MDGA2: variants seen among roughly 807,000 people sequenced by gnomAD.
The protein encoded by MDGA2 is MAM domain-containing glycosylphosphatidylinositol anchor protein 2.
A neutral mutation model predicts 117.8 loss-of-function variants in MDGA2; 40 were observed. The ratio of observed to expected loss-of-function variants is 0.34; its 90% CI spans 0.26 to 0.44. MDGA2 has a LOEUF of 0.44. MDGA2 is among the 20% of genes least tolerant of loss of function. The pLI is 1.00. For missense variants in MDGA2, 1,123 were observed against 1,250.6 expected (o/e 0.90, Z 1.54); for synonymous variants, 452 against 439.0 (o/e 1.03, Z -0.37).
intron 1 of MDGA2, among the ~76,000 whole-genome samples, chr14:47,338,534 C>A (rs573809061): frequency 1.3e-5 from 2 of 151,878 alleles, no homozygotes; most frequent in African/African-American, 4.8e-5. Context: ...GGAATCATAA[C>A]CAAAGGCAGA....
chr14:47,293,816 A>G (rs1888970038), intron 2 of MDGA2, among the ~76,000 whole-genome samples: 1 of 152,174 alleles, frequency 6.6e-6, no homozygotes, highest in Admixed American at 6.5e-5. Flanking sequence ...AAAATTTCTA[A>G]AAATCTTTGG....
chr14:47,088,796 C>T (rs8007053), intron 6 of MDGA2, among the ~76,000 whole-genome samples: 78,830 of 151,964 alleles, frequency 0.52, 20,765 homozygotes, highest in East Asian at 0.83. Context: ...GTGATTCCCA[C>T]TGATATCTTC....
In MDGA2 at chr14:46,843,139, A is replaced by T. The variant is rs185667735; in HGVS notation, c.2990-1120T>A. Among the ~76,000 whole-genome samples, 323 of 152,108 alleles carry T rather than the reference A, an allele frequency of 2.1e-3. 2 individuals are homozygous for T. The highest frequency in any genetic ancestry group is 7.5e-3 in the African/African-American group (312 of 41,486). On this transcript the variant is annotated intron_variant, in intron 16 of 16. Coordinates refer to ENST00000399232, the MANE Select transcript of MDGA2 (RefSeq NM_001113498.3). Reference sequence around the variant, plus strand: ...CACATTTCTTGGATTTGCTAGTTTAAGAGAAAAAAAAAACTAATTATAAAA... The same window carrying T: ...CACATTTCTTGGATTTGCTAGTTTATGAGAAAAAAAAAACTAATTATAAAA...
rs55889646 is a variant in MDGA2, at chr14:47,461,269, A to ATG, written c.281-159721_281-159720dup. ...CATGTAGTCCAAGTTAAAAAAATGT[A>ATG]TGTGTGTGTGTGTGTGTGTGTGTGT... On this transcript the variant is annotated intron_variant, in intron 1 of 16. Coordinates refer to ENST00000399232, the MANE Select transcript of MDGA2 (RefSeq NM_001113498.3). Among the ~76,000 whole-genome samples the ATG allele has an allele frequency of 9.0e-3, 1,282 of 142,938 alleles. 24 individuals are homozygous for ATG. The highest frequency in any genetic ancestry group is 0.03 in the African/African-American group (1,143 of 38,608). The allele number at this position is 142,938 out of a possible 152,430, so 93.8% of individuals were successfully genotyped here. A position where few individuals can be genotyped will look rare whatever the true frequency, so the allele number is the denominator to read the frequency against.
At chr14:47,211,581 G>A (rs1885885255) in intron 3 of MDGA2, among the ~76,000 whole-genome samples, 1 of 152,066 alleles carries the variant, frequency 6.6e-6, no homozygotes, top group African/African-American at 2.4e-5. Flanking sequence ...TGCCCCTGAG[G>A]TAGATATTAT....
chr14:47,530,764 C>A (rs1307652883), intron 1 of MDGA2, among the ~76,000 whole-genome samples: 1 of 152,072 alleles, frequency 6.6e-6, no homozygotes, highest in Non-Finnish European at 1.5e-5. Context: ...TGGCTAGATC[C>A]CACAATAGTT....
intron 3 of MDGA2, among the ~76,000 whole-genome samples, chr14:47,195,570 A>G (rs1333405031): frequency 4.6e-5 from 7 of 152,094 alleles, no homozygotes; most frequent in Non-Finnish European, 7.4e-5. Context: ...ATTCAAATCA[A>G]GAAATAACCT....
At chr14:47,633,548 A>T (rs1185737869) in intron 1 of MDGA2, among the ~76,000 whole-genome samples, 4 of 152,228 alleles carry the variant, frequency 2.6e-5, no homozygotes, top group Admixed American at 1.3e-4. Context: ...GTATAAATAA[A>T]TTCATAGGTA....
At chr14:47,636,707 C>T (rs1361011637) in intron 1 of MDGA2, among the ~76,000 whole-genome samples, 1 of 140,312 alleles carries the variant, frequency 7.1e-6, no homozygotes, top group Non-Finnish European at 1.5e-5. Context: ...ATGGCGTGAA[C>T]CCAGGAGACG....
chr14:47,323,455 GT>G (rs1566738601), intron 1 of MDGA2, among the ~76,000 whole-genome samples: 1 of 151,558 alleles, frequency 6.6e-6, no homozygotes, highest in East Asian at 1.9e-4. Context: ...GAGAAATCCT[GT>G]CTCTACTAAA....
chr14:47,619,134 CACACACACACACACACAGAT>C, intron 1 of MDGA2, among the ~76,000 whole-genome samples: 1 of 132,538 alleles, frequency 7.5e-6, no homozygotes, highest in South Asian at 3.0e-4. Flanking sequence ...CACACACACA[CACACACACACACACACAGAT>C]ACATTATCTA....
intron 1 of MDGA2, among the ~76,000 whole-genome samples, chr14:47,674,083 G>A (rs116033201): frequency 0.045 from 6,784 of 150,228 alleles, 142 homozygotes; most frequent in Middle Eastern, 0.068. Flanking sequence ...GGAAAAGGTG[G>A]AGAGGAGGAG....
intron 2 of MDGA2, among the ~76,000 whole-genome samples, chr14:47,297,820 G>C (rs1889129317): frequency 6.6e-6 from 1 of 152,068 alleles, no homozygotes; most frequent in Non-Finnish European, 1.5e-5. Flanking sequence ...CAGGATATAG[G>C]AATGCTAAAA....
At chr14:47,066,785 T>G (rs1890099476) in intron 6 of MDGA2, among the ~76,000 whole-genome samples, 1 of 152,030 alleles carries the variant, frequency 6.6e-6, no homozygotes, top group South Asian at 2.1e-4. Flanking sequence ...TGAAATAGTA[T>G]TTGCTAAAAC....
chr14:47,544,413 A>T (rs1258329700), intron 1 of MDGA2, among the ~76,000 whole-genome samples: 1 of 152,162 alleles, frequency 6.6e-6, no homozygotes, highest in South Asian at 2.1e-4. Flanking sequence ...GGAAAGCTCA[A>T]TGTGAGGTAA....
intron 1 of MDGA2, among the ~76,000 whole-genome samples, chr14:47,584,660 C>G: frequency 6.6e-6 from 1 of 151,878 alleles, no homozygotes; most frequent in Non-Finnish European, 1.5e-5. Context: ...CAAAATCATC[C>G]TCCATTTTTA....
chr14:47,403,663 A>C (rs577823779), intron 1 of MDGA2, among the ~76,000 whole-genome samples: 1 of 152,194 alleles, frequency 6.6e-6, no homozygotes, highest in East Asian at 1.9e-4. Flanking sequence ...GACCATCACC[A>C]TCACCAGTTC....
intron 2 of MDGA2, among the ~76,000 whole-genome samples, chr14:47,295,093 A>T (rs905009453): frequency 6.6e-6 from 1 of 152,246 alleles, no homozygotes; most frequent in African/African-American, 2.4e-5. Flanking sequence ...TTGGATTTAC[A>T]TAATTATTTT....
chr14:47,220,993 T>A (rs1297405181), intron 2 of MDGA2, among the ~76,000 whole-genome samples: 3 of 152,178 alleles, frequency 2.0e-5, no homozygotes, highest in Admixed American at 6.5e-5. Flanking sequence ...ACGAATTGTA[T>A]CTGAGGTCTG....
Sources: allele counts gnomAD v4.1 joint callset (sites outside exome capture counted in the v4.1 genomes callset), GRCh38; gene constraint gnomAD v4.1.1; transcripts MANE v1.5; gene names NCBI Gene and HGNC (gene_info 2026-07-23, HGNC 2026-07-21).